TAOK3: variants seen among roughly 807,000 people sequenced by gnomAD.
The protein encoded by TAOK3 is TAO kinase 3.
In TAOK3, 40 loss-of-function variants were observed where a neutral mutation model predicts 120.4. That is an observed-to-expected ratio of 0.33 (90% CI 0.26 to 0.43). The LOEUF is 0.43. TAOK3 is among the 20% of genes least tolerant of loss of function. The pLI, the probability that TAOK3 is intolerant of heterozygous loss-of-function variation, is 1.00. For synonymous variants in TAOK3, 355 were observed against 387.5 expected, an observed-to-expected ratio of 0.92 and a Z score of 0.99; for missense variants, 821 against 1,112.1, an observed-to-expected ratio of 0.74 and a Z score of 3.72.
intron 16 of TAOK3, among the ~76,000 whole-genome samples, chr12:118,175,586 C>T (rs937069188): frequency 1.3e-5 from 2 of 151,982 alleles, no homozygotes; most frequent in African/African-American, 4.8e-5. Flanking sequence ...GAGACTATGA[C>T]ATTGCACTCC....
intron 1 of TAOK3, among the ~76,000 whole-genome samples, chr12:118,324,785 C>A (rs2043864149): frequency 7.3e-6 from 1 of 137,832 alleles, no homozygotes; most frequent in Non-Finnish European, 1.5e-5. Context: ...TGCTCTGTCA[C>A]CCAGGCTGGA....
intron 1 of TAOK3, among the ~76,000 whole-genome samples, chr12:118,302,758 T>C (rs533329654): frequency 7.2e-5 from 11 of 152,342 alleles, no homozygotes; most frequent in Admixed American, 7.2e-4. Flanking sequence ...CTGATAAACT[T>C]GGTATTAAAA....
intron 14 of TAOK3, among the ~76,000 whole-genome samples, chr12:118,189,531 CACAG>C (rs1157573539): frequency 1.1e-3 from 102 of 96,820 alleles, no homozygotes; most frequent in South Asian, 3.5e-3. Context: ...CACACACAGA[CACAG>C]ACACACACAC....
intron 1 of TAOK3, among the ~76,000 whole-genome samples, chr12:118,329,231 T>G (rs920427515): frequency 2.0e-5 from 3 of 152,308 alleles, no homozygotes; most frequent in Middle Eastern, 3.4e-3. Flanking sequence ...TAAACTCGCT[T>G]TAAACTCTAC....
At chr12:118,196,835 C>T (rs1427794113) in intron 13 of TAOK3, among the ~76,000 whole-genome samples, 1 of 151,982 alleles carries the variant, frequency 6.6e-6, no homozygotes, top group Non-Finnish European at 1.5e-5. Context: ...ATTTACTGAG[C>T]ATCTATGCTG....
At chr12:118,239,332 C>T (rs1305415957) in intron 5 of TAOK3, 60 bp from the exon 6 acceptor site, 4 of 911,486 alleles carry the variant, frequency 4.4e-6, no homozygotes, top group Non-Finnish European at 7.0e-6. Context: ...CTGCTGAAAC[C>T]AACTAAACAA....
intron 1 of TAOK3, among the ~76,000 whole-genome samples, chr12:118,326,639 G>A (rs939710290): frequency 2.6e-5 from 4 of 152,072 alleles, no homozygotes; most frequent in African/African-American, 9.7e-5. Flanking sequence ...CTTAATTTTT[G>A]TAATCATGGA....
intron 1 of TAOK3, among the ~76,000 whole-genome samples, chr12:118,326,778 G>GT (rs1439878355): frequency 5.3e-5 from 8 of 152,160 alleles, no homozygotes; most frequent in East Asian, 1.9e-4. Flanking sequence ...CAGTGCTCTG[G>GT]TTTTTTTATT....
intron 17 of TAOK3, among the ~76,000 whole-genome samples, chr12:118,165,043 A>G (rs929268195): frequency 1.3e-5 from 2 of 152,204 alleles, no homozygotes; most frequent in African/African-American, 2.4e-5. Context: ...GCGACCTTAT[A>G]AGGAGAAAAA....
rs187010129 is a variant in TAOK3 at position 118,225,236 on chromosome 12, G to A, written c.643+8438C>T. On this transcript the variant is annotated intron_variant, in intron 9 of 20. Coordinates refer to ENST00000392533, the MANE Select transcript of TAOK3 (RefSeq NM_016281.4). Reference sequence around the variant, plus strand: ...GCACTCTAGCCTGGGTGACAAGTGCGAGACTGTCTCAAAAAAAAAAAAAAA... The same window carrying A: ...GCACTCTAGCCTGGGTGACAAGTGCAAGACTGTCTCAAAAAAAAAAAAAAA... Among the ~76,000 whole-genome samples, 192 of 117,142 alleles carry A rather than the reference G, an allele frequency of 1.6e-3. 2 individuals carry two copies. The highest frequency in any genetic ancestry group is 0.015 in the East Asian group (61 of 4,122). The allele number at this position is 117,142 out of a possible 152,430, so 76.8% of individuals were successfully genotyped here.
intron 1 of TAOK3, among the ~76,000 whole-genome samples, chr12:118,361,914 A>ACATAAT (rs1555262730): frequency 3.5e-5 from 5 of 143,686 alleles, no homozygotes; most frequent in Admixed American, 6.9e-5. Flanking sequence ...CTATTAATAA[A>ACATAAT]AATAATAATA....
chr12:118,311,255 G>A (rs1317037500), intron 1 of TAOK3, among the ~76,000 whole-genome samples: 1 of 152,228 alleles, frequency 6.6e-6, no homozygotes, highest in Non-Finnish European at 1.5e-5. Context: ...GAGGTCAGGA[G>A]TTCGAGACCA....
intron 2 of TAOK3, chr12:118,261,504 A>G (rs1328635120): frequency 6.6e-6 from 1 of 152,246 alleles, no homozygotes; most frequent in East Asian, 1.9e-4. Flanking sequence ...TACATTCAAC[A>G]TTGTGCTGGG....
chr12:118,248,285 A>C (rs1461400664), intron 3 of TAOK3, among the ~76,000 whole-genome samples: 1 of 151,884 alleles, frequency 6.6e-6, no homozygotes, highest in Non-Finnish European at 1.5e-5. Context: ...TTATATATTA[A>C]TGAGTTATCC....
At chr12:118,207,166 A>G (rs1038469203) in intron 11 of TAOK3, among the ~76,000 whole-genome samples, 8 of 151,792 alleles carry the variant, frequency 5.3e-5, no homozygotes, top group Admixed American at 2.6e-4. Flanking sequence ...GTCTCTACTA[A>G]AAATAGAAAA....
At chr12:118,362,892 G>A (rs1010449063) in intron 1 of TAOK3, among the ~76,000 whole-genome samples, 18 of 151,780 alleles carry the variant, frequency 1.2e-4, no homozygotes, top group African/African-American at 3.6e-4. Flanking sequence ...AGTGGCATGC[G>A]CCTGTAATCC....
intron 16 of TAOK3, among the ~76,000 whole-genome samples, chr12:118,172,881 A>G (rs2097817688): frequency 6.6e-6 from 1 of 152,200 alleles, no homozygotes; most frequent in African/African-American, 2.4e-5. Context: ...TTTCTCACTA[A>G]CAGAAATTAT....
chr12:118,173,454 G>A (rs2036130876), intron 16 of TAOK3, among the ~76,000 whole-genome samples: 2 of 152,130 alleles, frequency 1.3e-5, no homozygotes, highest in South Asian at 4.2e-4. Context: ...AATGAAGGAG[G>A]CAAGAACATA....
chr12:118,166,593 T>C (rs1050814103), intron 17 of TAOK3, among the ~76,000 whole-genome samples: 1 of 152,070 alleles, frequency 6.6e-6, no homozygotes, highest in Non-Finnish European at 1.5e-5. Context: ...TTTATACTTT[T>C]TCAGTCTGTG....
Sources: allele counts gnomAD v4.1 joint callset (sites outside exome capture counted in the v4.1 genomes callset), GRCh38; gene constraint gnomAD v4.1.1; transcripts MANE v1.5; gene names NCBI Gene and HGNC (gene_info 2026-07-23, HGNC 2026-07-21).